LRP1B: variants seen among roughly 807,000 people sequenced by gnomAD.
The protein encoded by LRP1B is low-density lipoprotein receptor-related protein 1B.
A neutral mutation model predicts 556.6 loss-of-function variants in LRP1B; 217 were observed. The ratio of observed to expected loss-of-function variants is 0.39; its 90% confidence interval spans 0.35 to 0.44. The LOEUF is 0.44. Ranked by LOEUF, LRP1B falls within the 20% of genes least tolerant of loss-of-function variation. LRP1B has a pLI of 1.00. For missense variants in LRP1B, 5,053 were observed against 5,620.8 expected (o/e 0.90, Z 3.23); for synonymous variants, 2,047 against 1,865.8 (o/e 1.10, Z -2.50).
rs972248186 is a variant in LRP1B, at chr2:140,233,141, C to T, written c.*45G>A. ...TACTGTTGGAACATACAAAAGTAATCCTTATATTTTATACATTTATACAGC... is the reference window on the plus strand; with the variant it reads ...TACTGTTGGAACATACAAAAGTAATTCTTATATTTTATACATTTATACAGC... On this transcript the variant is annotated 3_prime_UTR_variant, in exon 91 of 91. Coordinates refer to ENST00000389484, the MANE Select transcript of LRP1B (RefSeq NM_018557.3). The T allele has an allele frequency of 7.8e-7, 1 of 1,279,884 alleles. No homozygotes were observed. The highest frequency in any genetic ancestry group is 2.1e-5 in the Admixed American group (1 of 46,728). The allele number at this position is 1,279,884 out of a possible 1,614,324, so 79.3% of individuals were successfully genotyped here.
intron 47 of LRP1B, among the ~76,000 whole-genome samples, chr2:140,532,839 C>T (rs1053510683): frequency 6.6e-6 from 1 of 150,630 alleles, no homozygotes; most frequent in Non-Finnish European, 1.5e-5. Context: ...AGTTTAAATT[C>T]AGTATAGCCT....
intron 1 of LRP1B, among the ~76,000 whole-genome samples, chr2:141,967,923 A>T (rs1701606891): frequency 6.6e-6 from 1 of 151,866 alleles, no homozygotes; most frequent in Non-Finnish European, 1.5e-5. Context: ...AATTTTTATC[A>T]TAGTATATGT....
chr2:140,867,844 G>C lies in LRP1B; in HGVS notation c.4335-10C>G, dbSNP rs772543858. On this transcript the variant is annotated splice_polypyrimidine_tract_variant and intron_variant, in intron 26 of 90. Coordinates refer to ENST00000389484, the MANE Select transcript of LRP1B (RefSeq NM_018557.3). ...ATAAATAGCATCTGACCTACAGAAA[G>C]ATAAATACATGAGTAGTTTGTCAAA... 2 of 1,510,412 alleles carry C rather than the reference G, an allele frequency of 1.3e-6. No homozygotes were observed. Among genetic ancestry groups the C allele is most frequent in the Non-Finnish European group, 1.8e-6 (2 of 1,129,562 alleles). 93.6% of individuals were successfully genotyped at this position (1,510,412 alleles called of 1,614,324 possible).
intron 3 of LRP1B, among the ~76,000 whole-genome samples, chr2:141,310,703 A>C (rs116074561): frequency 1.9e-4 from 29 of 152,306 alleles, no homozygotes; most frequent in African/African-American, 7.0e-4. Context: ...CATGAACAGA[A>C]CCAATACACT....
At chr2:141,957,389 G>T (rs1448702960) in intron 1 of LRP1B, among the ~76,000 whole-genome samples, 51 of 126,590 alleles carry the variant, frequency 4.0e-4, no homozygotes, top group African/African-American at 1.4e-3. Flanking sequence ...TGTGTGGGGG[G>T]GGGGGGGCGG....
intron 83 of LRP1B, among the ~76,000 whole-genome samples, chr2:140,314,732 A>C (rs757250449): frequency 1.3e-5 from 2 of 152,148 alleles, no homozygotes; most frequent in Non-Finnish European, 2.9e-5. Context: ...TACTCAACCC[A>C]GAGTAATTGT....
intron 2 of LRP1B, among the ~76,000 whole-genome samples, chr2:141,716,486 TG>T (rs1325948304): frequency 6.6e-6 from 1 of 152,140 alleles, no homozygotes; most frequent in Non-Finnish European, 1.5e-5. Flanking sequence ...AGCATAAATA[TG>T]ATACTTGGTG....
At chr2:141,919,208 T>C (rs1203115557) in intron 1 of LRP1B, among the ~76,000 whole-genome samples, 1 of 152,086 alleles carries the variant, frequency 6.6e-6, no homozygotes, top group Non-Finnish European at 1.5e-5. Context: ...CACATATACA[T>C]ATATAAAGAG....
intron 41 of LRP1B, among the ~76,000 whole-genome samples, chr2:140,695,425 C>T (rs1213583825): frequency 1.3e-5 from 2 of 152,104 alleles, no homozygotes; most frequent in Non-Finnish European, 2.9e-5. Flanking sequence ...AGCTTTATTT[C>T]AGGCTTGCTT....
rs1263256816 is a variant in LRP1B, at chr2:140,799,856, A to C, written c.5359+13801T>G. Among the ~76,000 whole-genome samples the C allele has an allele frequency of 3.3e-5, 5 of 152,244 alleles. No individual in the cohort carries two copies. The East Asian group carries it at 9.7e-4, about 30-fold the overall frequency. On this transcript the variant is annotated intron_variant, in intron 32 of 90. Transcript: ENST00000389484. The stretch of plus-strand genomic sequence containing the variant: ...GATGCAGAAGACGGGTGATTTCTGC[A>C]TTTCCAACTGAGGTACCAGGTTCAT...
chr2:142,045,142 GA>G (rs34255275), intron 1 of LRP1B, among the ~76,000 whole-genome samples: 43,559 of 144,956 alleles, frequency 0.3, 6,609 homozygotes, highest in South Asian at 0.5. Flanking sequence ...ACCCAAGGGG[GA>G]AAAAAAAAAA....
At chr2:140,269,321 G>A (rs971352240) in intron 86 of LRP1B, 1 of 470,900 alleles carries the variant, frequency 2.1e-6, no homozygotes, top group African/African-American at 2.0e-5. Context: ...CATTCTGACA[G>A]TAGTGATCAC....
chr2:140,894,543 A>T (rs1339673847), intron 23 of LRP1B, among the ~76,000 whole-genome samples: 2 of 150,514 alleles, frequency 1.3e-5, no homozygotes, highest in African/African-American at 2.4e-5. Context: ...AAAAAAAAAT[A>T]CTGCAGCTAT....
chr2:140,977,752 A>G (rs1371256317), intron 18 of LRP1B, among the ~76,000 whole-genome samples: 3 of 152,166 alleles, frequency 2.0e-5, no homozygotes, highest in Non-Finnish European at 4.4e-5. Flanking sequence ...CAAGCTCCTC[A>G]AAAGACTGTA....
intron 3 of LRP1B, among the ~76,000 whole-genome samples, chr2:141,341,179 C>T (rs1431326437): frequency 2.0e-5 from 3 of 152,164 alleles, no homozygotes; most frequent in African/African-American, 4.8e-5. Flanking sequence ...GGCTAATCTG[C>T]AGATGAAGTA....
intron 27 of LRP1B, among the ~76,000 whole-genome samples, chr2:140,856,249 T>G (rs1692614260): frequency 6.6e-6 from 1 of 152,246 alleles, no homozygotes; most frequent in East Asian, 1.9e-4. Context: ...AATTTCATCA[T>G]CAGTATCTTT....
chr2:141,087,008 T>A (rs1452509102), intron 7 of LRP1B, among the ~76,000 whole-genome samples: 1 of 152,166 alleles, frequency 6.6e-6, no homozygotes, highest in Non-Finnish European at 1.5e-5. Flanking sequence ...AAAGTAGGCA[T>A]CCCACTTACA....
intron 2 of LRP1B, among the ~76,000 whole-genome samples, chr2:141,491,852 T>C (rs762808394): frequency 4.6e-5 from 7 of 152,092 alleles, no homozygotes; most frequent in Non-Finnish European, 1.0e-4. Flanking sequence ...TTAAGATACC[T>C]GTAAAAGAAA....
intron 2 of LRP1B, among the ~76,000 whole-genome samples, chr2:141,787,793 T>C (rs1316671264): frequency 2.0e-5 from 3 of 151,938 alleles, no homozygotes; most frequent in Admixed American, 6.6e-5. Context: ...AGTACTATAC[T>C]TGGCTACATA....
Sources: allele counts gnomAD v4.1 joint callset (sites outside exome capture counted in the v4.1 genomes callset), GRCh38; gene constraint gnomAD v4.1.1; transcripts MANE v1.5; gene names NCBI Gene and HGNC (gene_info 2026-07-23, HGNC 2026-07-21).